The following MCTP2 variants were observed in gnomAD, a reference collection of about 807,000 sequenced individuals.
The protein encoded by MCTP2 is multiple C2 and transmembrane domain containing 2.
Under a neutral mutation model 111.6 loss-of-function variants are expected in MCTP2, and 132 were observed. The observed-to-expected ratio is 1.18, with a 90% CI of 1.03 to 1.37. MCTP2 has a LOEUF of 1.37. MCTP2 is among the 40% of genes most tolerant of loss of function. The pLI is 0.00. For missense variants in MCTP2, 1,183 were observed against 1,067.9 expected (o/e 1.11, Z -1.50); for synonymous variants, 395 against 387.7 (o/e 1.02, Z -0.22).
chr15:94,385,803 G>A (rs2080434249), intron 14 of MCTP2, among the ~76,000 whole-genome samples: 1 of 152,128 alleles, frequency 6.6e-6, no homozygotes, highest in Non-Finnish European at 1.5e-5. Context: ...ACTTAAGATA[G>A]GAATTTGTCT....
At chr15:94,365,422 G>A (rs2079134220) in intron 10 of MCTP2, among the ~76,000 whole-genome samples, 1 of 152,152 alleles carries the variant, frequency 6.6e-6, no homozygotes, top group Non-Finnish European at 1.5e-5. Context: ...AGACAGAAAT[G>A]AGTGAAAAGC....
chr15:94,336,612 G>C (rs559063357), intron 4 of MCTP2, among the ~76,000 whole-genome samples: 1 of 151,914 alleles, frequency 6.6e-6, no homozygotes, highest in Non-Finnish European at 1.5e-5. Flanking sequence ...TCACATGGTC[G>C]TTAGGAAGGG....
At chr15:94,405,719 A>G (rs1010141388) in intron 17 of MCTP2, among the ~76,000 whole-genome samples, 46 of 152,210 alleles carry the variant, frequency 3.0e-4, no homozygotes, top group Non-Finnish European at 5.7e-4. Flanking sequence ...TGGTCAGACC[A>G]TTCCAAGTCA....
intron 12 of MCTP2, among the ~76,000 whole-genome samples, chr15:94,380,274 T>C (rs1462661667): frequency 6.6e-6 from 1 of 152,084 alleles, no homozygotes; most frequent in Non-Finnish European, 1.5e-5. Flanking sequence ...GTAACAGCAA[T>C]ATACAATTGG....
chr15:94,369,944 A>G, intron 11 of MCTP2, 143 bp from the exon 12 acceptor site: 3 of 492,742 alleles, frequency 6.1e-6, no homozygotes, highest in Middle Eastern at 3.6e-4. Flanking sequence ...GTCCTGTTAT[A>G]TAATATATTT....
At chr15:94,276,331 A>G (rs2074209391) in intron 1 of MCTP2, among the ~76,000 whole-genome samples, 1 of 152,222 alleles carries the variant, frequency 6.6e-6, no homozygotes, top group South Asian at 2.1e-4. Context: ...TCTAAAAAAT[A>G]TGGAACTTAT....
chr15:94,358,673 G>A (rs1471380395), intron 10 of MCTP2, 61 bp downstream of exon 10: 1 of 1,587,880 alleles, frequency 6.3e-7, no homozygotes, highest in Non-Finnish European at 8.6e-7. Flanking sequence ...GGTTCTGAGA[G>A]GTGATCTTTA....
intron 17 of MCTP2, among the ~76,000 whole-genome samples, chr15:94,432,051 T>C (rs2083214092): frequency 6.6e-6 from 1 of 152,202 alleles, no homozygotes; most frequent in Non-Finnish European, 1.5e-5. Flanking sequence ...TCTTAAGTAT[T>C]CATACAAAAT....
chr15:94,338,078 A>T (rs2077453189), intron 4 of MCTP2, among the ~76,000 whole-genome samples: 1 of 152,298 alleles, frequency 6.6e-6, no homozygotes, highest in Middle Eastern at 3.4e-3. Context: ...AAATGTTATG[A>T]TACAGTAGCC....
rs1269180785 is a variant in MCTP2, at chr15:94,353,203, A to C, written c.1006-2934A>C. ...TTCAAAGTCCGACTGAGATAGATAAAAGCTTTGATGGAAAGTGGATATTTC... is the reference window on the plus strand; with the variant it reads ...TTCAAAGTCCGACTGAGATAGATAACAGCTTTGATGGAAAGTGGATATTTC... On this transcript the variant is annotated intron_variant, in intron 8 of 22. Transcript: ENST00000357742. Among the ~76,000 whole-genome samples, 4 of 152,154 alleles carry C rather than the reference A, an allele frequency of 2.6e-5. No homozygotes were observed. The East Asian group carries it at 7.7e-4, about 29-fold the overall frequency.
chr15:94,238,129 G>A (rs966489272), intron 1 of MCTP2, among the ~76,000 whole-genome samples: 23 of 152,160 alleles, frequency 1.5e-4, no homozygotes, highest in African/African-American at 5.1e-4. Flanking sequence ...GCTGAGTCAC[G>A]GGCCATGGTC....
At chr15:94,253,594 G>T (rs2072581604) in intron 1 of MCTP2, among the ~76,000 whole-genome samples, 1 of 152,122 alleles carries the variant, frequency 6.6e-6, no homozygotes, top group Non-Finnish European at 1.5e-5. Context: ...ACACAACACT[G>T]TTGGAATTGC....
At chr15:94,363,456 A>G (rs1262224837) in intron 10 of MCTP2, among the ~76,000 whole-genome samples, 1 of 152,126 alleles carries the variant, frequency 6.6e-6, no homozygotes, top group East Asian at 1.9e-4. Context: ...TAACAAGCAG[A>G]CAGGAAGAAG....
Position 94,411,400 on chromosome 15 carries a change from C to T in MCTP2, c.2085+9381C>T, listed in dbSNP as rs565777812. Among the ~76,000 whole-genome samples the T allele has an allele frequency of 4.6e-5, 7 of 151,598 alleles. No homozygotes were observed. The East Asian group carries it at 7.8e-4, about 17-fold the overall frequency. On this transcript the variant is annotated intron_variant, in intron 17 of 22. Transcript: ENST00000357742. ...GGCTCCCCATCAGGTGGCATGTGCT[C>T]GCCATTGTCTGGCTGTGCTTGGCAA...
intron 1 of MCTP2, among the ~76,000 whole-genome samples, chr15:94,243,648 T>C (rs2071325720): frequency 1.3e-5 from 2 of 149,450 alleles, no homozygotes; most frequent in African/African-American, 4.9e-5. Context: ...TACATATATA[T>C]GTATACACAT....
intron 21 of MCTP2, among the ~76,000 whole-genome samples, chr15:94,474,326 C>T (rs1364708966): frequency 6.6e-6 from 1 of 152,124 alleles, no homozygotes; most frequent in Non-Finnish European, 1.5e-5. Context: ...GATGGTAGCC[C>T]TCTGCATTGT....
At chr15:94,445,913 C>T (rs930217404) in intron 19 of MCTP2, among the ~76,000 whole-genome samples, 5 of 152,326 alleles carry the variant, frequency 3.3e-5, no homozygotes, top group Middle Eastern at 3.4e-3. Context: ...CATACCATCA[C>T]GGACGACTGT....
chr15:94,453,026 G>A (rs568467167), intron 19 of MCTP2, among the ~76,000 whole-genome samples: 20 of 152,270 alleles, frequency 1.3e-4, no homozygotes, highest in Middle Eastern at 3.4e-3. Flanking sequence ...CTTTACTGAA[G>A]AATTTTAGGA....
intron 1 of MCTP2, among the ~76,000 whole-genome samples, chr15:94,245,418 ATG>A (rs1242402062): frequency 2.9e-5 from 4 of 136,468 alleles, no homozygotes; most frequent in East Asian, 2.1e-4. Context: ...ATTTATATAC[ATG>A]TGTGTATATA....
Sources: allele counts gnomAD v4.1 joint callset (sites outside exome capture counted in the v4.1 genomes callset), GRCh38; gene constraint gnomAD v4.1.1; transcripts MANE v1.5; gene names NCBI Gene and HGNC (gene_info 2026-07-23, HGNC 2026-07-21).